Variants in FNDC3B observed in about 807,000 individuals in gnomAD.
FNDC3B encodes fibronectin type III domain-containing protein 3B.
FNDC3B carries 12 observed loss-of-function variants against 151.5 expected under a neutral mutation model. The ratio of observed to expected loss-of-function variants is 0.08; its 90% CI spans 0.05 to 0.13. FNDC3B has a LOEUF of 0.13. FNDC3B is among the 10% of genes least tolerant of loss of function. FNDC3B has a pLI of 1.00. For synonymous variants in FNDC3B, 528 were observed against 549.0 expected (o/e 0.96, Z 0.54); for missense variants, 1,214 against 1,505.3 (o/e 0.81, Z 3.20).
At chr3:172,235,094 ACT>A (rs1399362550) in intron 4 of FNDC3B, among the ~76,000 whole-genome samples, 1 of 152,082 alleles carries the variant, frequency 6.6e-6, no homozygotes, top group African/African-American at 2.4e-5. Flanking sequence ...TTTTTTCAAA[ACT>A]GGTCAAATTT....
At position 172,291,089 on chromosome 3, in the gene FNDC3B, A is replaced by T. The variant is rs114637713; in HGVS notation, c.850-4274A>T. ...TGCATAATAATAAAATATCAGAAAA[A>T]AATGGAAAATTTTACAGAACAGTAT... On this transcript the variant is annotated intron_variant, in intron 7 of 25. Transcript: ENST00000415807. Among the ~76,000 whole-genome samples the T allele has an allele frequency of 8.1e-3, 1,232 of 152,342 alleles. 17 individuals are homozygous for T. Among genetic ancestry groups the T allele is most frequent in the African/African-American group, 0.028 (1,178 of 41,578 alleles).
chr3:172,358,692 A>G (rs1217557969), intron 22 of FNDC3B, among the ~76,000 whole-genome samples: 1 of 152,206 alleles, frequency 6.6e-6, no homozygotes, highest in African/African-American at 2.4e-5. Context: ...AAAATTTGCT[A>G]GTGCTTTTGG....
intron 17 of FNDC3B, among the ~76,000 whole-genome samples, chr3:172,342,057 T>C (rs546172584): frequency 6.6e-6 from 1 of 152,358 alleles, no homozygotes; most frequent in South Asian, 2.1e-4. Flanking sequence ...AGATGGTGGC[T>C]TACAGCCCTG....
intron 1 of FNDC3B, among the ~76,000 whole-genome samples, chr3:172,107,391 T>C (rs929008865): frequency 1.4e-4 from 22 of 152,144 alleles, no homozygotes; most frequent in African/African-American, 5.3e-4. Flanking sequence ...TTTTTTCTTA[T>C]TAGTTTTGCA....
chr3:172,345,583 TC>T (rs1560091747), intron 19 of FNDC3B, among the ~76,000 whole-genome samples: 1 of 151,880 alleles, frequency 6.6e-6, no homozygotes, highest in Non-Finnish European at 1.5e-5. Flanking sequence ...GTTTTTTGTT[TC>T]CCCCCTCCCC....
At chr3:172,280,560 C>T (rs9812681) in intron 6 of FNDC3B, among the ~76,000 whole-genome samples, 42,763 of 152,022 alleles carry the variant, frequency 0.28, 7,645 homozygotes, top group African/African-American at 0.51. Flanking sequence ...ACAAATGAGC[C>T]TTGTGGATAA....
chr3:172,233,552 C>T (rs1726988999), intron 4 of FNDC3B, among the ~76,000 whole-genome samples: 2 of 152,156 alleles, frequency 1.3e-5, no homozygotes, highest in African/African-American at 4.8e-5. Flanking sequence ...AACAGTGGGG[C>T]CTGTTAGGTG....
At chr3:172,140,464 A>T in intron 3 of FNDC3B, among the ~76,000 whole-genome samples, 1 of 152,206 alleles carries the variant, frequency 6.6e-6, no homozygotes, top group East Asian at 1.9e-4. Context: ...TGCACATGAC[A>T]GTTAGCAATT....
chr3:172,083,927 A>C (rs1418177867), intron 1 of FNDC3B, among the ~76,000 whole-genome samples: 5 of 152,132 alleles, frequency 3.3e-5, no homozygotes, highest in Admixed American at 3.3e-4. Flanking sequence ...TTGTGACCTT[A>C]GTTTATTTTT....
intron 3 of FNDC3B, among the ~76,000 whole-genome samples, chr3:172,221,926 G>A (rs537999800): frequency 1.6e-4 from 24 of 152,274 alleles, no homozygotes; most frequent in African/African-American, 5.5e-4. Context: ...TTACCTACTA[G>A]CTGTGGCCTT....
intron 6 of FNDC3B, among the ~76,000 whole-genome samples, chr3:172,269,679 C>CGAG (rs539925676): frequency 1.4e-3 from 207 of 152,162 alleles, no homozygotes; most frequent in African/African-American, 4.9e-3. Flanking sequence ...GGGTCTCACT[C>CGAG]TGTCGCCCAG....
chr3:172,066,966 A>G (rs1402884702), intron 1 of FNDC3B, among the ~76,000 whole-genome samples: 1 of 152,136 alleles, frequency 6.6e-6, no homozygotes, highest in East Asian at 1.9e-4. Flanking sequence ...TTTGAGACAT[A>G]CACAATATTC....
intron 18 of FNDC3B, 31 bp downstream of exon 18, chr3:172,343,147 A>C: frequency 9.3e-7 from 1 of 1,078,056 alleles, no homozygotes; most frequent in Non-Finnish European, 1.4e-6. Context: ...ATTGACATTG[A>C]CAATTTGGAC....
At chr3:172,375,198 TCTTGGTCA>T (rs1187039724) in intron 23 of FNDC3B, among the ~76,000 whole-genome samples, 1 of 152,216 alleles carries the variant, frequency 6.6e-6, no homozygotes, top group African/African-American at 2.4e-5. Flanking sequence ...TCCCTGTGGC[TCTTGGTCA>T]CACTTCAGAG....
chr3:172,233,042 G>C (rs1726968078), intron 4 of FNDC3B, among the ~76,000 whole-genome samples: 1 of 152,108 alleles, frequency 6.6e-6, no homozygotes, highest in African/African-American at 2.4e-5. Flanking sequence ...TTGTATACTG[G>C]CCATGGCTCT....
chr3:172,208,193 G>C (rs1026750658), intron 3 of FNDC3B, among the ~76,000 whole-genome samples: 2 of 152,120 alleles, frequency 1.3e-5, no homozygotes, highest in Non-Finnish European at 2.9e-5. Context: ...GAACACCTGG[G>C]AAAGAAAAAC....
In FNDC3B at chr3:172,134,621, G is replaced by T. The variant is rs138626539; in HGVS notation, c.187+1075G>T. Among the ~76,000 whole-genome samples, 684 of 151,410 alleles carry T rather than the reference G, an allele frequency of 4.5e-3. 5 individuals carry two copies. The highest frequency in any genetic ancestry group is 0.016 in the African/African-American group (648 of 41,238). ...GCGTAATAGTAGAGCATGTTGCTTT[G>T]TACTTTTTTTTTGTATCTATAAGAA... On this transcript the variant is annotated intron_variant, in intron 3 of 25. Coordinates refer to ENST00000415807, the MANE Select transcript of FNDC3B (RefSeq NM_022763.4).
chr3:172,315,582 G>A (rs894937366), intron 11 of FNDC3B, among the ~76,000 whole-genome samples: 13 of 152,082 alleles, frequency 8.5e-5, no homozygotes, highest in African/African-American at 2.2e-4. Flanking sequence ...ATTTTTAGCC[G>A]CTTTCCTCCT....
chr3:172,137,549 A>G (rs1321590638), intron 3 of FNDC3B, among the ~76,000 whole-genome samples: 2 of 152,160 alleles, frequency 1.3e-5, no homozygotes, highest in Non-Finnish European at 2.9e-5. Context: ...CCAGCTGCTC[A>G]GAAGGCTGAG....
Sources: gnomAD v4.1 joint callset for allele counts (sites outside exome capture counted in the v4.1 genomes callset) on GRCh38, gnomAD v4.1.1 for gene constraint, MANE v1.5 for transcripts, NCBI Gene and HGNC (gene_info 2026-07-23, HGNC 2026-07-21) for gene names.